Variants in CMAS observed in about 807,000 individuals in gnomAD.
CMAS encodes cytidine monophosphate N-acetylneuraminic acid synthetase.
A neutral mutation model predicts 53.4 loss-of-function variants in CMAS; 21 were observed. The observed-to-expected ratio is 0.39, with a 90% CI of 0.28 to 0.57. The LOEUF is 0.57. Among genes scored for constraint, CMAS ranks in the 20% least tolerant of loss-of-function variants. The pLI is 0.56. For missense variants in CMAS, 384 were observed against 534.9 expected (o/e 0.72, Z 2.78); for synonymous variants, 189 against 195.2 (o/e 0.97, Z 0.27).
intron 1 of CMAS, among the ~76,000 whole-genome samples, chr12:22,047,456 CTGTT>C (rs1376163358): frequency 6.6e-6 from 1 of 152,162 alleles, no homozygotes; most frequent in Non-Finnish European, 1.5e-5. Flanking sequence ...AAAGAGATGA[CTGTT>C]TTTGAAGTCA....
intron 7 of CMAS, among the ~76,000 whole-genome samples, chr12:22,064,874 T>C (rs528369554): frequency 1.3e-5 from 2 of 152,372 alleles, no homozygotes; most frequent in African/African-American, 4.8e-5. Context: ...GCATGGCAGG[T>C]AGCAATTATG....
At chr12:22,050,664 G>T (rs913866238) in intron 1 of CMAS, among the ~76,000 whole-genome samples, 1 of 152,076 alleles carries the variant, frequency 6.6e-6, no homozygotes, top group East Asian at 1.9e-4. Flanking sequence ...AAGCCAGATC[G>T]TCTTTGTTGC....
intron 3 of CMAS, among the ~76,000 whole-genome samples, chr12:22,057,848 G>C (rs373687405): frequency 6.8e-6 from 1 of 147,072 alleles, no homozygotes; most frequent in Non-Finnish European, 1.5e-5. Flanking sequence ...TTTTGAGACA[G>C]AGTCTCACTC....
rs1363172561 is a variant in CMAS, at chr12:22,046,344, A to G, written c.41A>G (p.Asn14Ser). 5 of 1,514,014 alleles carry G rather than the reference A, an allele frequency of 3.3e-6. No individual in the cohort carries two copies. The highest frequency in any genetic ancestry group is 4.4e-6 in the Non-Finnish European group (5 of 1,130,272). The allele number at this position is 1,514,014 out of a possible 1,614,324, so 93.8% of individuals were successfully genotyped here. Residue 14 changes from asparagine (N) to serine (S), a missense_variant, in exon 1 of 8, where the codon AAC becomes AGC. Physicochemically the swap from Asn to Ser is conservative, Grantham distance 46. Coordinates refer to ENST00000229329, the MANE Select transcript of CMAS (RefSeq NM_018686.6). ...VEKGAATSVS[N>S]PRGRPSRGRP... ...AAGGGGGCCGCCACCTCCGTCTCCA[A>G]CCCGCGGGGGCGACCGTCCCGGGGC...
intron 7 of CMAS, chr12:22,063,791 T>C (rs983734986): frequency 2.0e-5 from 3 of 152,054 alleles, no homozygotes; most frequent in Admixed American, 2.0e-4. Context: ...AGCATTTACA[T>C]TTTTATTTAA....
At chr12:22,060,316 T>C (rs1231827560) in intron 4 of CMAS, among the ~76,000 whole-genome samples, 1 of 141,356 alleles carries the variant, frequency 7.1e-6, no homozygotes, top group Admixed American at 7.3e-5. Flanking sequence ...TTATTTCTTT[T>C]GTGTGAGCTT....
rs1360036517 is a variant in CMAS, at chr12:22,046,540, C to G, written c.237C>G (p.Ala79=). ...VPLIGWVLRA[A]LDSGAFQSVW... ...TCATTGGCTGGGTCCTGCGTGCGGC[C>G]CTGGATTCAGGGGCCTTCCAGAGGT... The change falls in exon 1 of 8, where the codon GCC becomes GCG. Residue 79 remains alanine (A), a synonymous_variant. Coordinates refer to ENST00000229329, the MANE Select transcript of CMAS (RefSeq NM_018686.6). 5.0e-6 allele frequency: 8 copies of G among 1,599,004 alleles called. No individual in the cohort carries two copies. The highest frequency in any genetic ancestry group is 1.4e-5 in the African/African-American group (1 of 73,938).
intron 7 of CMAS, chr12:22,063,660 G>A (rs1055253352): frequency 2.0e-5 from 3 of 150,536 alleles, no homozygotes; most frequent in African/African-American, 7.5e-5. Flanking sequence ...GGATGATTGT[G>A]ACTTTTTTGC....
rs1950258908 is a variant in CMAS at position 22,054,998 on chromosome 12, A to G, written c.261-151A>G. 1.1e-5 allele frequency: 5 copies of G among 465,460 alleles called. No homozygotes were observed. In the East Asian group the frequency reaches 1.7e-4, roughly 16 times the overall value. The allele number at this position is 465,460 out of a possible 1,614,324, so 28.8% of individuals were successfully genotyped here. A position where few individuals can be genotyped will look rare whatever the true frequency, so the allele number is the denominator to read the frequency against. On this transcript the variant is annotated intron_variant, in intron 1 of 7. Transcript: ENST00000229329. The stretch of plus-strand genomic sequence containing the variant: ...TACAAAATACTTTATAATTTCTTAC[A>G]TTTTATACTCCTTTGGATCTGTAAC...
intron 7 of CMAS, among the ~76,000 whole-genome samples, chr12:22,064,760 C>T (rs375001759): frequency 6.6e-6 from 1 of 151,956 alleles, no homozygotes; most frequent in South Asian, 2.1e-4. Flanking sequence ...GATAATTTTT[C>T]AATATAAAAT....
chr12:22,046,751 TC>T (rs1417356258), intron 1 of CMAS, among the ~76,000 whole-genome samples, 188 bp downstream of exon 1: 1 of 152,172 alleles, frequency 6.6e-6, no homozygotes, highest in Non-Finnish European at 1.5e-5. Flanking sequence ...TCCAGCTCCT[TC>T]CTTGTTCCGT....
intron 1 of CMAS, among the ~76,000 whole-genome samples, chr12:22,051,609 T>G (rs1367381455): frequency 2.0e-5 from 3 of 152,352 alleles, no homozygotes. Context: ...CCCCATCTTA[T>G]GTCCCTAAAC....
At chr12:22,060,663 A>G (rs1284565339) in intron 4 of CMAS, 169 bp from the exon 5 acceptor site, 1 of 506,734 alleles carries the variant, frequency 2.0e-6, no homozygotes, top group Non-Finnish European at 3.5e-6. Flanking sequence ...CGAAAAAATA[A>G]AAAAGTAAAA....
At chr12:22,062,220 G>C in intron 6 of CMAS, 61 bp from the exon 7 acceptor site, 1 of 1,448,154 alleles carries the variant, frequency 6.9e-7, no homozygotes, top group South Asian at 1.3e-5. Context: ...AAAGATTTCT[G>C]TTTTCTTCAC....
chr12:22,055,086 C>T (rs977986156), intron 1 of CMAS, 63 bp from the exon 2 acceptor site: 16 of 1,287,518 alleles, frequency 1.2e-5, no homozygotes, highest in Non-Finnish European at 1.7e-5. Flanking sequence ...GGTTACAGAG[C>T]TCCATTTTAT....
chr12:22,060,948 T>A (rs755624595), intron 5 of CMAS, 22 bp downstream of exon 5: 5 of 1,315,078 alleles, frequency 3.8e-6, no homozygotes, highest in Non-Finnish European at 5.5e-6. Flanking sequence ...TAAACCTTTA[T>A]AACCTTTGTA....
chr12:22,058,744 G>C (rs779102678), intron 4 of CMAS, 44 bp downstream of exon 4: 180 of 1,588,176 alleles, frequency 1.1e-4, no homozygotes, highest in Non-Finnish European at 1.5e-4. Flanking sequence ...CGCTTTTGTA[G>C]GCATACTTTG....
In CMAS at chr12:22,046,245, A is replaced by C. The variant is rs1950203664; in HGVS notation, c.-59A>C. The C allele has an allele frequency of 2.9e-6, 4 of 1,377,386 alleles. No individual in the cohort carries two copies. Among genetic ancestry groups the C allele is most frequent in the East Asian group, 6.1e-5 (2 of 32,548 alleles). The allele number at this position is 1,377,386 out of a possible 1,614,324, so 85.3% of individuals were successfully genotyped here. On this transcript the variant is annotated 5_prime_UTR_variant, in exon 1 of 8. Transcript: ENST00000229329. ...GCGGGGATCGGGCGGCGCCGAGCTG[A>C]GGTGGTGAGGGACTAGCTCCCGGAT...
chr12:22,057,399 C>T (rs1950275459), intron 3 of CMAS, among the ~76,000 whole-genome samples: 1 of 152,008 alleles, frequency 6.6e-6, no homozygotes, highest in Non-Finnish European at 1.5e-5. Context: ...ATCAGGTATA[C>T]TCATAAACAT....
Sources: gnomAD v4.1 joint callset for allele counts (sites outside exome capture counted in the v4.1 genomes callset) on GRCh38, gnomAD v4.1.1 for gene constraint, MANE v1.5 for transcripts, NCBI Gene and HGNC (gene_info 2026-07-23, HGNC 2026-07-21) for gene names.